Variants in PTPRK observed in about 807,000 individuals in gnomAD.
PTPRK encodes the protein receptor-type tyrosine-protein phosphatase kappa.
PTPRK carries 75 observed loss-of-function variants against 178.0 expected under a neutral mutation model. The ratio of observed to expected loss-of-function variants is 0.42; its 90% CI spans 0.35 to 0.51. The LOEUF (loss-of-function observed/expected upper bound fraction) is 0.51, where lower values mean the gene tolerates loss of function less well. Among genes scored for constraint, PTPRK ranks in the 20% least tolerant of loss-of-function variants. The probability of loss-of-function intolerance (pLI) is 0.02; values close to 1 mark genes in which losing one functional copy is unlikely to be tolerated. For missense variants in PTPRK, 1,441 were observed against 1,797.8 expected, an observed-to-expected ratio of 0.80 and a Z score of 3.59; for synonymous variants, 637 against 620.6, an observed-to-expected ratio of 1.03 and a Z score of -0.39.
intron 1 of PTPRK, among the ~76,000 whole-genome samples, chr6:128,422,823 ACTC>A (rs1843654526): frequency 6.6e-6 from 1 of 151,808 alleles, no homozygotes; most frequent in Non-Finnish European, 1.5e-5. Flanking sequence ...TTTCAAAATG[ACTC>A]CTCTTCATTC....
intron 5 of PTPRK, among the ~76,000 whole-genome samples, chr6:128,221,838 C>A (rs1034296145): frequency 6.6e-6 from 1 of 151,336 alleles, no homozygotes; most frequent in Non-Finnish European, 1.5e-5. Context: ...AAATATAAAT[C>A]CATAAAATCA....
chr6:128,138,685 T>A (rs1795352955), intron 7 of PTPRK, among the ~76,000 whole-genome samples: 3 of 152,150 alleles, frequency 2.0e-5, no homozygotes, highest in Admixed American at 1.3e-4. Flanking sequence ...TTCACTTTTT[T>A]ATACAAAAAC....
At chr6:128,276,839 T>C (rs2128300144) in intron 3 of PTPRK, among the ~76,000 whole-genome samples, 1 of 152,262 alleles carries the variant, frequency 6.6e-6, no homozygotes, top group African/African-American at 2.4e-5. Flanking sequence ...AGCATAAAAT[T>C]ACTCAACAGT....
At chr6:128,336,129 C>T (rs1282228364) in intron 2 of PTPRK, among the ~76,000 whole-genome samples, 1 of 152,056 alleles carries the variant, frequency 6.6e-6, no homozygotes, top group Non-Finnish European at 1.5e-5. Flanking sequence ...TTCAACAAAA[C>T]ATTCCTTTTA....
chr6:128,425,299 G>A (rs145936759), intron 1 of PTPRK, among the ~76,000 whole-genome samples: 3 of 151,764 alleles, frequency 2.0e-5, no homozygotes, highest in Admixed American at 2.0e-4. Flanking sequence ...GGATGGTCTC[G>A]ATCTCCTGAC....
intron 3 of PTPRK, among the ~76,000 whole-genome samples, chr6:128,320,448 G>C (rs562982801): frequency 6.6e-6 from 1 of 152,076 alleles, no homozygotes; most frequent in Non-Finnish European, 1.5e-5. Flanking sequence ...TATTGTTCTT[G>C]TTTTAAAGTA....
chr6:127,995,604 G>T, intron 17 of PTPRK, 66 bp from the exon 18 acceptor site: 1 of 978,758 alleles, frequency 1.0e-6, no homozygotes, highest in East Asian at 2.6e-5. Flanking sequence ...AATGTCATTG[G>T]TAGAGACTAA....
chr6:128,149,375 GAATA>G (rs1375538221), intron 7 of PTPRK, among the ~76,000 whole-genome samples: 6 of 152,092 alleles, frequency 3.9e-5, no homozygotes, highest in African/African-American at 9.6e-5. Flanking sequence ...TTCTAAAACA[GAATA>G]AATATATTAA....
chr6:128,026,510 A>G (rs532037210), intron 13 of PTPRK, among the ~76,000 whole-genome samples: 2 of 152,324 alleles, frequency 1.3e-5, no homozygotes, highest in Admixed American at 1.3e-4. Flanking sequence ...CATCTTTACA[A>G]TGAAATAACT....
chr6:128,027,449 A>G (rs1282085766), intron 13 of PTPRK, among the ~76,000 whole-genome samples: 1 of 152,222 alleles, frequency 6.6e-6, no homozygotes, highest in Non-Finnish European at 1.5e-5. Flanking sequence ...TCAGGAAATC[A>G]GGTGCCTAAA....
intron 6 of PTPRK, among the ~76,000 whole-genome samples, chr6:128,208,515 T>A (rs1807405433): frequency 6.6e-6 from 1 of 152,162 alleles, no homozygotes; most frequent in Non-Finnish European, 1.5e-5. Flanking sequence ...GGAATCTACA[T>A]GAAGCAGTGG....
intron 24 of PTPRK, among the ~76,000 whole-genome samples, chr6:127,982,029 G>C (rs1775404069): frequency 6.6e-6 from 1 of 151,914 alleles, no homozygotes; most frequent in African/African-American, 2.4e-5. Flanking sequence ...TTGTAGAGAT[G>C]AGGTTTTGCC....
intron 1 of PTPRK, among the ~76,000 whole-genome samples, chr6:128,510,009 C>T (rs1458646457): frequency 6.6e-6 from 1 of 152,160 alleles, no homozygotes; most frequent in Non-Finnish European, 1.5e-5. Context: ...TTAGGACTGA[C>T]AGTCATCACA....
At chr6:128,366,618 T>A (rs1286054618) in intron 2 of PTPRK, among the ~76,000 whole-genome samples, 1 of 152,106 alleles carries the variant, frequency 6.6e-6, no homozygotes, top group African/African-American at 2.4e-5. Context: ...AGGTAACTTA[T>A]CCACCTCGGG....
intron 1 of PTPRK, among the ~76,000 whole-genome samples, chr6:128,447,284 T>A (rs1160667346): frequency 4.6e-5 from 7 of 152,214 alleles, no homozygotes; most frequent in Non-Finnish European, 8.8e-5. Context: ...GAGGATTAAA[T>A]TATATGCAGT....
chr6:127,994,294 CA>C (rs1776909047), intron 18 of PTPRK, among the ~76,000 whole-genome samples: 1 of 151,638 alleles, frequency 6.6e-6, no homozygotes, highest in African/African-American at 2.4e-5. Flanking sequence ...TAGAAGTATA[CA>C]TATGCTACCA....
intron 8 of PTPRK, chr6:128,084,822 T>C (rs911182980): frequency 2.0e-5 from 3 of 152,208 alleles, no homozygotes; most frequent in African/African-American, 7.2e-5. Flanking sequence ...GGCTAAAAAA[T>C]GTGTTTCTTT....
At chr6:128,399,227 A>G (rs1840719322) in intron 1 of PTPRK, among the ~76,000 whole-genome samples, 2 of 152,192 alleles carry the variant, frequency 1.3e-5, no homozygotes, top group Non-Finnish European at 2.9e-5. Context: ...CCTCATCAAA[A>G]GTTTGGCAAT....
At chr6:128,248,982 C>T (rs190395060) in intron 3 of PTPRK, among the ~76,000 whole-genome samples, 5 of 152,178 alleles carry the variant, frequency 3.3e-5, no homozygotes, top group Admixed American at 2.0e-4. Context: ...AAATCACAGG[C>T]TGTAAGACAG....
Sources: allele counts gnomAD v4.1 joint callset (sites outside exome capture counted in the v4.1 genomes callset), GRCh38; gene constraint gnomAD v4.1.1; transcripts MANE v1.5; gene names NCBI Gene and HGNC (gene_info 2026-07-23, HGNC 2026-07-21).